The following ATP8B3 variants were observed in gnomAD, a reference collection of about 807,000 sequenced individuals.
ATP8B3 encodes ATPase phospholipid transporting 8B3.
Under a neutral mutation model 140.9 loss-of-function variants are expected in ATP8B3, and 141 were observed. The observed-to-expected ratio is 1.00, with a 90% CI of 0.87 to 1.15. The LOEUF (loss-of-function observed/expected upper bound fraction) is 1.15, where lower values mean the gene tolerates loss of function less well. Among genes scored for constraint, ATP8B3 ranks in the 50% most tolerant of loss-of-function variants. The pLI, the probability that ATP8B3 is intolerant of heterozygous loss-of-function variation, is 0.00. For missense variants in ATP8B3, 1,874 were observed against 1,740.6 expected (o/e 1.08, Z -1.36); for synonymous variants, 765 against 714.6 (o/e 1.07, Z -1.13).
Position 1,800,184 on chromosome 19 carries a change from C to T in ATP8B3, c.1344-29G>A. On this transcript the variant is annotated intron_variant, in intron 13 of 28. Coordinates refer to ENST00000310127, the MANE Select transcript of ATP8B3 (RefSeq NM_138813.4). The surrounding 1 kb of genome is among the most constrained non-coding windows in gnomAD (Gnocchi z 4.4). ...CAGAGGCACTCAGGGTCACGGTCAG[C>T]CCCGCCTGCTGTGTGCCATCCCCAT... The T allele has an allele frequency of 1.3e-6, 2 of 1,573,296 alleles. No homozygotes were observed. Among genetic ancestry groups the T allele is most frequent in the South Asian group, 2.3e-5 (2 of 85,628 alleles).
chr19:1,809,680 T>G lies in ATP8B3; in HGVS notation c.365A>C (p.Glu122Ala). Residue 122 changes from glutamate to alanine, a missense_variant, in exon 4 of 29, where the codon GAG becomes GCG. Around this residue, in one of 3 missense-constraint regions of ATP8B3, gnomAD observed 1,032 missense variants for 963.6 expected, o/e 1.07. Transcript: ENST00000310127. ...CCTTTGCCAGCACAGGATCACCTTCTCCTTGAACTGCCCGTTGTAGGCACG... is the reference window on the plus strand; with the variant it reads ...CCTTTGCCAGCACAGGATCACCTTCGCCTTGAACTGCCCGTTGTAGGCACG... ...NNRAYNGQFK[E>A]KVILCWQRKK... The G allele has an allele frequency of 6.2e-7, 1 of 1,611,428 alleles. No individual in the cohort carries two copies. The highest frequency in any genetic ancestry group is 1.1e-5 in the South Asian group (1 of 90,452).
In ATP8B3 at chr19:1,807,353, G is replaced by A. The variant is rs553493897; in HGVS notation, c.517-87C>T. 5 of 991,240 alleles carry A rather than the reference G, an allele frequency of 5.0e-6. No individual in the cohort carries two copies. Among genetic ancestry groups the A allele is most frequent in the East Asian group, 5.0e-5 (2 of 40,130 alleles). 61.4% of individuals were successfully genotyped at this position (991,240 alleles called of 1,614,324 possible). A position where few individuals can be genotyped will look rare whatever the true frequency, so the allele number is the denominator to read the frequency against. On this transcript the variant is annotated intron_variant, in intron 5 of 28. Transcript: ENST00000310127. This position sits in a 1 kb window ranked among gnomAD's most constrained non-coding sequence, Gnocchi z 5.9. ...ACCAAGCCGACCTAGCCCCGCACTC[G>A]ACACCACGTGACACATCTGCTGGCC...
rs764336101 is a variant in ATP8B3 at position 1,796,895 on chromosome 19, G to A, written c.1585-16C>T. The A allele has an allele frequency of 8.7e-6, 14 of 1,610,382 alleles. No homozygotes were observed. The highest frequency in any genetic ancestry group is 1.1e-5 in the Non-Finnish European group (13 of 1,178,606). ...AGGGGTTCTCCTGGGGGTGGCGGGG[G>A]CACGGGCCGGCTGTGGGTGGGCCGC... On this transcript the variant is annotated splice_polypyrimidine_tract_variant and intron_variant, in intron 15 of 28. Transcript: ENST00000310127.
At chr19:1,787,054 A>G in intron 25 of ATP8B3, 49 bp downstream of exon 25, 1 of 1,488,182 alleles carries the variant, frequency 6.7e-7, no homozygotes, top group Non-Finnish European at 9.2e-7. Flanking sequence ...GGAGAGGAGG[A>G]GAGGCTAAGC....
At chr19:1,788,711 C>T (rs898602282) in intron 24 of ATP8B3, among the ~76,000 whole-genome samples, 186 bp downstream of exon 24, 4 of 152,208 alleles carry the variant, frequency 2.6e-5, no homozygotes, top group African/African-American at 9.6e-5. Flanking sequence ...AGACAGGGAC[C>T]GTCACCTCCC....
intron 4 of ATP8B3, among the ~76,000 whole-genome samples, chr19:1,808,598 C>T (rs2069099038): frequency 6.6e-6 from 1 of 150,624 alleles, no homozygotes; most frequent in Non-Finnish European, 1.5e-5. Flanking sequence ...TGCAAGGCCT[C>T]AGACCAGCAT....
Position 1,805,365 on chromosome 19 carries a change from G to T in ATP8B3, c.904+9C>A. 1 of 1,556,662 alleles carries T rather than the reference G, an allele frequency of 6.4e-7. No homozygotes were observed. Among genetic ancestry groups the T allele is most frequent in the Non-Finnish European group, 8.7e-7 (1 of 1,147,104 alleles). ...CGAGGGACGTGACTCCCTGCTCAAC[G>T]CCTCTCACCTTGAAAGGACGCCATC... On this transcript the variant is annotated intron_variant, in intron 10 of 28. Transcript: ENST00000310127. This position sits in a 1 kb window ranked among gnomAD's most constrained non-coding sequence, Gnocchi z 5.2.
intron 3 of ATP8B3, 132 bp from the exon 4 acceptor site, chr19:1,809,866 AACAG>A (rs2069138344): frequency 1.3e-6 from 1 of 785,352 alleles, no homozygotes; most frequent in Non-Finnish European, 2.1e-6. Context: ...AGAGCCCGTA[AACAG>A]ACAGTCGGGC....
rs1202583850 is a variant in ATP8B3, at chr19:1,791,635, C to A, written c.2302+115G>T. 6 of 760,292 alleles carry A rather than the reference C, an allele frequency of 7.9e-6. No individual in the cohort carries two copies. The South Asian group carries it at 8.2e-5, about 10-fold the overall frequency. 47.1% of individuals were successfully genotyped at this position (760,292 alleles called of 1,614,324 possible). A position where few individuals can be genotyped will look rare whatever the true frequency, so the allele number is the denominator to read the frequency against. On this transcript the variant is annotated intron_variant, in intron 20 of 28. Coordinates refer to ENST00000310127, the MANE Select transcript of ATP8B3 (RefSeq NM_138813.4). ...CTCGAACTTCTGACCTCAAGTGATC[C>A]GCCCGCCTCGGCCTCCCAAAGTGCT...
In ATP8B3 at chr19:1,782,532, CCTTGGG is replaced by C; in HGVS notation, c.*490_*495del. 1 of 201,752 alleles carries C rather than the reference CCTTGGG, an allele frequency of 5.0e-6. No individual in the cohort carries two copies. The allele number at this position is 201,752 out of a possible 1,614,324, so 12.5% of individuals were successfully genotyped here. On this transcript the variant is annotated 3_prime_UTR_variant, in exon 29 of 29. Coordinates refer to ENST00000310127, the MANE Select transcript of ATP8B3 (RefSeq NM_138813.4). ...TTGTCTGGAAGTGGCACCGTCCCCT[CCTTGGG>C]GGTGTGAGGCTCCTTTTGCCAGCTC...
Position 1,811,626 on chromosome 19 carries a change from G to C in ATP8B3, c.111C>G (p.Gly37=), listed in dbSNP as rs750738548. 6.2e-6 allele frequency: 10 copies of C among 1,611,730 alleles called. No homozygotes were observed. ...DTGDSDVTQE[G]SGPAGIRGGE... is the part of the protein sequence containing the mutation. ...CTCCGCGGATGCCAGCAGGACCTGA[G>C]CCTTCCTGAGTCACGTCTGAGTCAC... The change falls in exon 2 of 29, where the codon GGC becomes GGG. Residue 37 remains glycine (G), a synonymous_variant. Coordinates refer to ENST00000310127, the MANE Select transcript of ATP8B3 (RefSeq NM_138813.4).
chr19:1,803,896 C>CAAAAAAAAAAAAA (rs56937286), intron 10 of ATP8B3, among the ~76,000 whole-genome samples: 1 of 72,426 alleles, frequency 1.4e-5, no homozygotes, highest in Non-Finnish European at 2.8e-5. Context: ...GACTCTGTCT[C>CAAAAAAAAAAAAA]AAAAAAAAAA....
intron 4 of ATP8B3, 105 bp from the exon 5 acceptor site, chr19:1,808,440 C>T: frequency 4.2e-6 from 3 of 717,896 alleles, no homozygotes; most frequent in Non-Finnish European, 4.7e-6. Flanking sequence ...CCAGCATCCT[C>T]TGGGCTATGG....
intron 14 of ATP8B3, 45 bp from the exon 15 acceptor site, chr19:1,797,050 C>T (rs753202971): frequency 2.0e-5 from 33 of 1,612,138 alleles, no homozygotes; most frequent in Non-Finnish European, 2.8e-5. Flanking sequence ...ACAGGCCCCC[C>T]ATTCGGGATC....
chr19:1,809,130 C>T (rs1316657402), intron 4 of ATP8B3, among the ~76,000 whole-genome samples: 2 of 151,814 alleles, frequency 1.3e-5, no homozygotes, highest in Non-Finnish European at 2.9e-5. Flanking sequence ...GCCGAGATCT[C>T]GCCACTGCAT....
chr19:1,785,085 AGCAACCT>A, intron 27 of ATP8B3, 67 bp downstream of exon 27: 1 of 1,485,024 alleles, frequency 6.7e-7, no homozygotes, highest in Non-Finnish European at 9.0e-7. Context: ...GACTGTCATG[AGCAACCT>A]GCAACCTCTT....
Position 1,795,988 on chromosome 19 carries a change from C to G in ATP8B3, c.1943-1G>C. 6.2e-7 allele frequency: 1 copy of G among 1,613,198 alleles called. No individual in the cohort carries two copies. The highest frequency in any genetic ancestry group is 8.5e-7 in the Non-Finnish European group (1 of 1,179,848). ...CAGATGGCGCCCTCTGGCTTTCGAA[C>G]TGTGGGGGAACAGGCCCTGCTGCCC... On this transcript the variant is annotated splice_acceptor_variant, in intron 17 of 28. Coordinates refer to ENST00000310127, the MANE Select transcript of ATP8B3 (RefSeq NM_138813.4). LOFTEE classifies it high-confidence loss of function.
At position 1,789,469 on chromosome 19, in the gene ATP8B3, G is replaced by A. The variant is rs746328376; in HGVS notation, c.2737C>T (p.Arg913Cys). The A allele has an allele frequency of 3.1e-6, 5 of 1,597,682 alleles. No individual in the cohort carries two copies. The highest frequency in any genetic ancestry group is 2.7e-5 in the African/African-American group (2 of 74,410). The stretch of plus-strand genomic sequence containing the variant: ...AGGGCCTTCTGCTTGGGCGTCACGC[G>A]GCAGCAGATGACCGCCTGGCACTTG... ...ASKCQAVICC[R>C]VTPKQKALIV... is the part of the protein sequence containing the mutation. The change falls in exon 23 of 29, where the codon CGC (arginine) becomes TGC (cysteine). Residue 913 changes from arginine (R) to cysteine (C), a missense_variant. By Grantham distance (180) the Arg-to-Cys change is radical. Around this residue, in one of 3 missense-constraint regions of ATP8B3, gnomAD observed 840 missense variants for 760.9 expected, o/e 1.10. Transcript: ENST00000310127.
rs897299327 is a variant in ATP8B3 at position 1,802,011 on chromosome 19, T to G, written c.1097A>C (p.Lys366Thr). The change falls in exon 12 of 29, where the codon AAG becomes ACG. Residue 366 changes from lysine to threonine, a missense_variant. By Grantham distance (78) the Lys-to-Thr change is moderately conservative. This residue lies in a region of ATP8B3 where 1,032 missense variants were observed against 963.6 expected (regional missense o/e 1.07). Transcript: ENST00000310127. ...CAGCTTGGTTCTCTTCAAATGGATC[T>G]TGCCACAGTTCTTCATAATTTTTGT... ...FDTKIMKNCG[K>T]IHLKRTKLDL... The G allele has an allele frequency of 1.8e-5, 29 of 1,612,354 alleles. No individual in the cohort carries two copies. The highest frequency in any genetic ancestry group is 2.3e-5 in the Non-Finnish European group (27 of 1,179,712).
Sources: gnomAD v4.1 joint callset for allele counts (sites outside exome capture counted in the v4.1 genomes callset) on GRCh38, gnomAD v4.1.1 for gene constraint, gnomAD v4.1.1 regional missense constraint, Gnocchi (gnomAD v3.1) non-coding constraint, MANE v1.5 for transcripts, NCBI Gene and HGNC (gene_info 2026-07-23, HGNC 2026-07-21) for gene names.